Variants in TRPM6 observed in about 807,000 individuals in gnomAD.
The protein encoded by TRPM6 is transient receptor potential cation channel subfamily M member 6.
In TRPM6, 111 loss-of-function variants were observed where a neutral mutation model predicts 247.6. The ratio of observed to expected loss-of-function variants is 0.45; its 90% confidence interval spans 0.38 to 0.52. The LOEUF is 0.52. Among genes scored for constraint, TRPM6 ranks in the 20% least tolerant of loss-of-function variants. The pLI is 0.00. For missense variants in TRPM6, 2,126 were observed against 2,421.5 expected (o/e 0.88, Z 2.56); for synonymous variants, 892 against 853.8 (o/e 1.04, Z -0.78).
In TRPM6 at chr9:74,865,054, TGAGA is replaced by T. The variant is rs546426036; in HGVS notation, c.34-6310_34-6307del. Among the ~76,000 whole-genome samples the T allele has an allele frequency of 1.4e-3, 199 of 139,954 alleles. 2 individuals carry two copies. The Middle Eastern group carries it at 0.015, about 10-fold the overall frequency. The allele number at this position is 139,954 out of a possible 152,430, so 91.8% of individuals were successfully genotyped here. A position where few individuals can be genotyped will look rare whatever the true frequency, so the allele number is the denominator to read the frequency against. ...TGCCACTGCACTCCAGCCTGGGCAA[TGAGA>T]GAGAAATTCCCTCTCAAAAAAAAAA... On this transcript the variant is annotated intron_variant, in intron 1 of 38. Transcript: ENST00000360774.
At chr9:74,831,257 C>T (rs924893052) in intron 6 of TRPM6, among the ~76,000 whole-genome samples, 10 of 151,926 alleles carry the variant, frequency 6.6e-5, no homozygotes, top group African/African-American at 1.9e-4. Context: ...TTTGGGAGGC[C>T]GAAGTGGGTG....
At chr9:74,782,513 A>G in intron 22 of TRPM6, 37 bp from the exon 23 acceptor site, 1 of 1,528,602 alleles carries the variant, frequency 6.5e-7, no homozygotes. Flanking sequence ...GAAAGATAAG[A>G]TGAATCACAG....
At chr9:74,791,208 A>C (rs375134607) in intron 19 of TRPM6, among the ~76,000 whole-genome samples, 1 of 152,236 alleles carries the variant, frequency 6.6e-6, no homozygotes. Flanking sequence ...GCATTACAAA[A>C]ATAGCAAAAC....
intron 18 of TRPM6, among the ~76,000 whole-genome samples, chr9:74,793,606 C>T (rs935942666): frequency 6.6e-6 from 1 of 152,178 alleles, no homozygotes; most frequent in African/African-American, 2.4e-5. Context: ...ATTTCCTTAA[C>T]ACAGAAGAAA....
At chr9:74,885,606 G>C (rs1564067118) in intron 1 of TRPM6, among the ~76,000 whole-genome samples, 1 of 152,184 alleles carries the variant, frequency 6.6e-6, no homozygotes, top group African/African-American at 2.4e-5. Context: ...TTACCTAACA[G>C]TGATGGATTT....
rs989005349 is a variant in TRPM6, at chr9:74,851,486, G to A, written c.152+4041C>T. On this transcript the variant is annotated intron_variant, in intron 3 of 38. Transcript: ENST00000360774. ...AAATCAGCTGGGCACAGTGGTTCAC[G>A]CCTGTAATCCCAGCACTTTGGGAGG... Among the ~76,000 whole-genome samples, 3 of 152,102 alleles carry A rather than the reference G, an allele frequency of 2.0e-5. 1 individual carries two copies. The East Asian group carries it at 5.8e-4, about 29-fold the overall frequency.
intron 1 of TRPM6, among the ~76,000 whole-genome samples, chr9:74,870,458 A>G (rs1378883122): frequency 6.6e-6 from 1 of 152,218 alleles, no homozygotes; most frequent in Non-Finnish European, 1.5e-5. Context: ...AAAGGAAAAA[A>G]GAAAGGGAGG....
chr9:74,794,380 C>T (rs762795194), intron 18 of TRPM6, among the ~76,000 whole-genome samples: 7 of 151,946 alleles, frequency 4.6e-5, no homozygotes, highest in Non-Finnish European at 8.8e-5. Context: ...TTTAAGGCCT[C>T]GGGCATCTAG....
At chr9:74,870,044 C>T (rs892498462) in intron 1 of TRPM6, among the ~76,000 whole-genome samples, 1 of 152,184 alleles carries the variant, frequency 6.6e-6, no homozygotes, top group Non-Finnish European at 1.5e-5. Flanking sequence ...TGGTAGGAAA[C>T]ACCCATGTGC....
rs568926046 is a variant in TRPM6, at chr9:74,809,655, G to A, written c.1497+1160C>T. On this transcript the variant is annotated intron_variant, in intron 13 of 38. Coordinates refer to ENST00000360774, the MANE Select transcript of TRPM6 (RefSeq NM_017662.5). ...AAATCAATACAAACTAAATTTACAT[G>A]AGCACGGACACTTTTGCTTACTGCT... 6.0e-3 allele frequency among the ~76,000 whole-genome samples: 915 copies of A among 152,006 alleles called. 1 individual carries two copies. The highest frequency in any genetic ancestry group is 0.014 in the Middle Eastern group (4 of 294).
chr9:74,738,675 G>A, intron 35 of TRPM6, 63 bp from the exon 36 acceptor site: 2 of 1,423,572 alleles, frequency 1.4e-6, no homozygotes, highest in East Asian at 2.3e-5. Flanking sequence ...TTACCTTACT[G>A]AGCAGTCATC....
intron 36 of TRPM6, among the ~76,000 whole-genome samples, chr9:74,735,504 T>C (rs1290638820): frequency 6.6e-6 from 1 of 152,152 alleles, no homozygotes; most frequent in South Asian, 2.1e-4. Context: ...GAATTGATGA[T>C]GATGATGATG....
chr9:74,847,785 A>G (rs1469136633), intron 3 of TRPM6, among the ~76,000 whole-genome samples: 1 of 152,070 alleles, frequency 6.6e-6, no homozygotes, highest in Non-Finnish European at 1.5e-5. Context: ...GTCTCTGATT[A>G]AAGTTATGAA....
chr9:74,797,325 G>A (rs1471215803), intron 17 of TRPM6, among the ~76,000 whole-genome samples: 3 of 152,278 alleles, frequency 2.0e-5, no homozygotes, highest in Admixed American at 2.0e-4. Flanking sequence ...GGGGATTGGA[G>A]CCAGGACACC....
At position 74,785,744 on chromosome 9, in the gene TRPM6, T is replaced by C. The variant is rs147188515; in HGVS notation, c.2919+130A>G. 8,272 of 998,074 alleles carry C rather than the reference T, an allele frequency of 8.3e-3. 294 individuals are homozygous for C. In the African/African-American group the frequency reaches 0.094, roughly 11 times the overall value. 61.8% of individuals were successfully genotyped at this position (998,074 alleles called of 1,614,324 possible). The stretch of plus-strand genomic sequence containing the variant: ...TTCACCCTGTTAGCCAGGATGTTCT[T>C]GATCTCCTGACCTTGTGATCCGCCC... On this transcript the variant is annotated intron_variant, in intron 21 of 38. Coordinates refer to ENST00000360774, the MANE Select transcript of TRPM6 (RefSeq NM_017662.5).
In TRPM6 at chr9:74,786,996, C is replaced by T. The variant is rs192467728; in HGVS notation, c.2668-871G>A. Among the ~76,000 whole-genome samples the T allele has an allele frequency of 6.4e-3, 978 of 152,164 alleles. 7 individuals are homozygous for T. The highest frequency in any genetic ancestry group is 0.022 in the African/African-American group (910 of 41,512). On this transcript the variant is annotated intron_variant, in intron 20 of 38. Transcript: ENST00000360774. ...GGTGGATCACTTGAGGTCAGGAGTT[C>T]GAGACCAGCCTGGCCAACATGATGA...
intron 1 of TRPM6, among the ~76,000 whole-genome samples, chr9:74,864,116 C>G (rs2118407558): frequency 6.7e-6 from 1 of 150,242 alleles, no homozygotes; most frequent in South Asian, 2.1e-4. Flanking sequence ...TTCACTGGAC[C>G]ATCTCTCTCT....
intron 27 of TRPM6, among the ~76,000 whole-genome samples, chr9:74,760,715 G>A (rs182538421): frequency 3.1e-4 from 47 of 152,270 alleles, no homozygotes; most frequent in African/African-American, 9.9e-4. Context: ...TGATTTGAAC[G>A]TTTGTTCCTT....
At position 74,763,106 on chromosome 9, in the gene TRPM6, C is replaced by T. The variant is rs773515787; in HGVS notation, c.3565G>A (p.Glu1189Lys). ...RVTEMYFQLK[E>K]MNEKVSFIKD... ...ATAAAAGACACCTTTTCATTCATTT[C>T]TTTCAGCTGGAAGTACATCTCTGTA... The change falls in exon 26 of 39, where the codon GAA (glutamate) becomes AAA (lysine). Residue 1189 changes from glutamate (E) to lysine (K), a missense_variant. Transcript: ENST00000360774. 1.6e-5 allele frequency: 25 copies of T among 1,612,906 alleles called. No homozygotes were observed. The highest frequency in any genetic ancestry group is 2.0e-5 in the Non-Finnish European group (24 of 1,179,998).
Sources: allele counts gnomAD v4.1 joint callset (sites outside exome capture counted in the v4.1 genomes callset), GRCh38; gene constraint gnomAD v4.1.1; transcripts MANE v1.5; gene names NCBI Gene and HGNC (gene_info 2026-07-23, HGNC 2026-07-21).